Variants in SPIDR observed in about 807,000 individuals in gnomAD.
SPIDR encodes DNA repair-scaffolding protein.
Under a neutral mutation model 104.6 loss-of-function variants are expected in SPIDR, and 93 were observed. That is an observed-to-expected ratio of 0.89 (90% CI 0.75 to 1.06). The LOEUF (loss-of-function observed/expected upper bound fraction) is 1.06, where lower values mean the gene tolerates loss of function less well. SPIDR is among the 50% of genes least tolerant of loss of function. The probability of loss-of-function intolerance (pLI) is 0.00; values close to 1 mark genes in which losing one functional copy is unlikely to be tolerated. For synonymous variants in SPIDR, 431 were observed against 416.9 expected (o/e 1.03, Z -0.41); for missense variants, 1,154 against 1,111.2 (o/e 1.04, Z -0.55).
At chr8:47,435,809 G>C (rs530649889) in intron 7 of SPIDR, among the ~76,000 whole-genome samples, 4 of 152,308 alleles carry the variant, frequency 2.6e-5, no homozygotes, top group Admixed American at 6.5e-5. Context: ...AATGAAGTAG[G>C]GGGGAAACAC....
chr8:47,403,871 C>T (rs1286133976), intron 6 of SPIDR, among the ~76,000 whole-genome samples: 3 of 152,136 alleles, frequency 2.0e-5, no homozygotes, highest in African/African-American at 7.2e-5. Flanking sequence ...TCATATGGAA[C>T]CAAAAAGAGC....
intron 5 of SPIDR, 22 bp downstream of exon 5, chr8:47,294,052 AC>A: frequency 1.3e-6 from 2 of 1,597,548 alleles, no homozygotes; most frequent in Non-Finnish European, 1.7e-6. Context: ...GTATTTCAAA[AC>A]TTTTATTCAC....
chr8:47,490,757 A>G (rs1364174433), intron 8 of SPIDR, among the ~76,000 whole-genome samples: 1 of 152,196 alleles, frequency 6.6e-6, no homozygotes, highest in Non-Finnish European at 1.5e-5. Flanking sequence ...CAAAAAACCA[A>G]ACACCACATG....
At chr8:47,395,398 C>G (rs893608820) in intron 5 of SPIDR, among the ~76,000 whole-genome samples, 1 of 151,966 alleles carries the variant, frequency 6.6e-6, no homozygotes, top group African/African-American at 2.4e-5. Flanking sequence ...GAAAAAAAGG[C>G]CTTTTGTTTT....
chr8:47,440,268 T>A (rs899511411), intron 7 of SPIDR, 55 bp from the exon 8 acceptor site: 4 of 1,494,304 alleles, frequency 2.7e-6, no homozygotes, highest in Non-Finnish European at 3.7e-6. Flanking sequence ...TATTCACGCT[T>A]GAACCATCTG....
chr8:47,569,684 G>A (rs2058296103), intron 8 of SPIDR, among the ~76,000 whole-genome samples: 1 of 152,140 alleles, frequency 6.6e-6, no homozygotes, highest in Non-Finnish European at 1.5e-5. Context: ...TTCCATGTTG[G>A]AAAGGAAGAA....
chr8:47,673,325 G>A (rs1184622565), intron 10 of SPIDR: 1 of 443,652 alleles, frequency 2.3e-6, no homozygotes, highest in African/African-American at 2.0e-5. Context: ...CTGTCGCAGA[G>A]AATGCCTCTT....
chr8:47,709,417 G>T (rs565599630), intron 14 of SPIDR, among the ~76,000 whole-genome samples: 1 of 152,336 alleles, frequency 6.6e-6, no homozygotes, highest in African/African-American at 2.4e-5. Flanking sequence ...TGGGATTACA[G>T]GCGTAAGCCA....
intron 8 of SPIDR, among the ~76,000 whole-genome samples, chr8:47,467,151 A>G (rs888677155): frequency 3.4e-4 from 52 of 152,114 alleles, no homozygotes; most frequent in Non-Finnish European, 8.8e-5. Context: ...GCACCCTCCC[A>G]GGATTGAACT....
chr8:47,366,711 A>G (rs2154292617), intron 5 of SPIDR, among the ~76,000 whole-genome samples: 1 of 152,340 alleles, frequency 6.6e-6, no homozygotes, highest in Admixed American at 6.5e-5. Flanking sequence ...TTATCAGGTA[A>G]AGTTGAATGA....
chr8:47,500,461 A>C (rs150561782), intron 8 of SPIDR, among the ~76,000 whole-genome samples: 7,777 of 152,158 alleles, frequency 0.051, 669 homozygotes, highest in African/African-American at 0.18. Flanking sequence ...GTGTCTGTTC[A>C]TATCCTTCAC....
chr8:47,718,132 T>C lies in SPIDR; in HGVS notation c.2341+4491T>C, dbSNP rs2082837958. Among the ~76,000 whole-genome samples, 3 of 152,198 alleles carry C rather than the reference T, an allele frequency of 2.0e-5. No homozygotes were observed. In the South Asian group the frequency reaches 6.2e-4, roughly 32 times the overall value. On this transcript the variant is annotated intron_variant, in intron 16 of 19. Transcript: ENST00000297423. ...TTTCAAAGCTTGTAGCCGGGATCTG[T>C]GCTTTTATTCCAAGGTTTGAATGGA... is the stretch of plus-strand genomic sequence containing the variant.
chr8:47,692,560 C>T (rs995443547), intron 11 of SPIDR, among the ~76,000 whole-genome samples: 7 of 137,838 alleles, frequency 5.1e-5, no homozygotes, highest in Admixed American at 4.1e-4. Context: ...TGCAATGGTG[C>T]GATCTTGGCT....
chr8:47,590,823 A>G (rs1390613471), intron 8 of SPIDR, among the ~76,000 whole-genome samples: 2 of 152,060 alleles, frequency 1.3e-5, no homozygotes, highest in Non-Finnish European at 2.9e-5. Flanking sequence ...TTTTGAATCT[A>G]TGTTGTTTGT....
At chr8:47,302,775 C>G (rs587690236) in intron 5 of SPIDR, among the ~76,000 whole-genome samples, 1 of 152,148 alleles carries the variant, frequency 6.6e-6, no homozygotes, top group Non-Finnish European at 1.5e-5. Flanking sequence ...TGGTTTATAC[C>G]AAATGTTGCT....
chr8:47,298,634 G>A (rs1190557725), intron 5 of SPIDR, among the ~76,000 whole-genome samples: 1 of 152,166 alleles, frequency 6.6e-6, no homozygotes, highest in Non-Finnish European at 1.5e-5. Flanking sequence ...TTTTGTATAA[G>A]GTGTAAGGAA....
intron 5 of SPIDR, among the ~76,000 whole-genome samples, chr8:47,380,408 C>T (rs1314555978): frequency 6.6e-6 from 1 of 152,160 alleles, no homozygotes; most frequent in African/African-American, 2.4e-5. Flanking sequence ...GCGTCAGGAC[C>T]TCGGAGGACC....
At chr8:47,438,276 G>A (rs923041898) in intron 7 of SPIDR, among the ~76,000 whole-genome samples, 19 of 152,186 alleles carry the variant, frequency 1.2e-4, no homozygotes, top group Non-Finnish European at 5.9e-5. Context: ...TTTCAGGCCT[G>A]TGCATTGCTG....
chr8:47,601,354 G>A (rs1431297349), intron 10 of SPIDR, among the ~76,000 whole-genome samples: 2 of 152,174 alleles, frequency 1.3e-5, no homozygotes, highest in African/African-American at 4.8e-5. Context: ...AAAAATGAAT[G>A]GGATATAGAA....
Sources: allele counts gnomAD v4.1 joint callset (sites outside exome capture counted in the v4.1 genomes callset), GRCh38; gene constraint gnomAD v4.1.1; transcripts MANE v1.5; gene names NCBI Gene and HGNC (gene_info 2026-07-23, HGNC 2026-07-21).